INO80D: variants seen among roughly 807,000 people sequenced by gnomAD.
INO80D encodes INO80 complex subunit D.
A neutral mutation model predicts 87.6 loss-of-function variants in INO80D; 21 were observed. That is an observed-to-expected ratio of 0.24 (90% confidence interval 0.17 to 0.35). The LOEUF (loss-of-function observed/expected upper bound fraction) is 0.35. Among genes scored for constraint, INO80D ranks in the 10% least tolerant of loss-of-function variants. The probability of loss-of-function intolerance (pLI) is 1.00; values close to 1 mark genes in which losing one functional copy is unlikely to be tolerated. For missense variants in INO80D, 982 were observed against 1,280.7 expected (o/e 0.77, Z 3.56); for synonymous variants, 440 against 491.0 (o/e 0.90, Z 1.37).
intron 1 of INO80D, among the ~76,000 whole-genome samples, chr2:206,079,370 G>A (rs1268702422): frequency 6.6e-6 from 1 of 152,168 alleles, no homozygotes; most frequent in Non-Finnish European, 1.5e-5. Context: ...ATGGTACCAA[G>A]CCTACCCCAG....
chr2:205,995,604 T>C lies in INO80D; in HGVS notation c.*8764A>G, dbSNP rs1687794824. 1 of 152,196 alleles carries C rather than the reference T, an allele frequency of 6.6e-6. No homozygotes were observed. Among genetic ancestry groups the C allele is most frequent in the Non-Finnish European group, 1.5e-5 (1 of 68,018 alleles). The allele number at this position is 152,196 out of a possible 1,614,324, so 9.4% of individuals were successfully genotyped here. A position where few individuals can be genotyped will look rare whatever the true frequency, so the allele number is the denominator to read the frequency against. ...ATATTTCATTGCCTTTGAATATCTA[T>C]ATATCTACTCCCACAATATATACTA... On this transcript the variant is annotated 3_prime_UTR_variant, in exon 11 of 11. Coordinates refer to ENST00000403263, the MANE Select transcript of INO80D (RefSeq NM_017759.5).
At chr2:206,056,049 C>T in intron 4 of INO80D, 149 bp downstream of exon 4, 1 of 745,710 alleles carries the variant, frequency 1.3e-6, no homozygotes, top group East Asian at 2.7e-5. Context: ...AGGTGGTCTA[C>T]CTAAATACAG....
chr2:206,080,066 C>T (rs767322912), intron 1 of INO80D, among the ~76,000 whole-genome samples: 7 of 152,196 alleles, frequency 4.6e-5, no homozygotes, highest in Non-Finnish European at 8.8e-5. Flanking sequence ...ACTTAACATT[C>T]ACATTGGCAT....
chr2:206,071,911 G>A (rs937517263), intron 1 of INO80D, among the ~76,000 whole-genome samples: 1 of 152,018 alleles, frequency 6.6e-6, no homozygotes, highest in Non-Finnish European at 1.5e-5. Context: ...TGGGGGTGGG[G>A]TGATAATTTA....
intron 1 of INO80D, among the ~76,000 whole-genome samples, chr2:206,081,104 C>A (rs562481850): frequency 1.5e-4 from 23 of 152,096 alleles, no homozygotes; most frequent in African/African-American, 5.3e-4. Flanking sequence ...CTTTTACAGA[C>A]GAAGAAAACT....
chr2:206,079,305 T>C (rs34304616), intron 1 of INO80D, among the ~76,000 whole-genome samples: 45,680 of 152,046 alleles, frequency 0.3, 7,510 homozygotes, highest in African/African-American at 0.44. Context: ...ACTCCTGAGC[T>C]CAAGTGATCC....
In INO80D at chr2:205,996,947, A is replaced by C. The variant is rs898281924; in HGVS notation, c.*7421T>G. ...AAATCCCAAAACAAGAGTGAATGAA[A>C]CCAGGAGATGCTGCAAAAATACAAC... On this transcript the variant is annotated 3_prime_UTR_variant, in exon 11 of 11. Coordinates refer to ENST00000403263, the MANE Select transcript of INO80D (RefSeq NM_017759.5). The C allele has an allele frequency of 6.6e-6, 1 of 152,136 alleles. No homozygotes were observed. The highest frequency in any genetic ancestry group is 1.5e-5 in the Non-Finnish European group (1 of 67,978). The allele number at this position is 152,136 out of a possible 1,614,324, so 9.4% of individuals were successfully genotyped here.
At chr2:206,039,294 G>A (rs1443718290) in intron 5 of INO80D, among the ~76,000 whole-genome samples, 1 of 151,998 alleles carries the variant, frequency 6.6e-6, no homozygotes, top group Non-Finnish European at 1.5e-5. Flanking sequence ...CTACTCGGGA[G>A]GCTGAGGCAA....
intron 1 of INO80D, among the ~76,000 whole-genome samples, chr2:206,070,536 C>T (rs1301075780): frequency 2.6e-5 from 4 of 151,830 alleles, no homozygotes; most frequent in South Asian, 2.1e-4. Flanking sequence ...CTGACTAACA[C>T]GGTGAAACCC....
At chr2:206,028,739 A>G (rs1688683433) in intron 5 of INO80D, among the ~76,000 whole-genome samples, 1 of 152,230 alleles carries the variant, frequency 6.6e-6, no homozygotes, top group Non-Finnish European at 1.5e-5. Flanking sequence ...AGGTCATACC[A>G]GAAATAGGGC....
intron 4 of INO80D, 109 bp downstream of exon 4, chr2:206,056,089 G>T: frequency 9.1e-7 from 1 of 1,094,370 alleles, no homozygotes; most frequent in Non-Finnish European, 1.3e-6. Flanking sequence ...CTGCCTCATT[G>T]TGATTCCACC....
At chr2:206,020,073 T>C (rs1688420031) in intron 6 of INO80D, among the ~76,000 whole-genome samples, 1 of 145,982 alleles carries the variant, frequency 6.9e-6, no homozygotes, top group East Asian at 2.0e-4. Flanking sequence ...CATCAGAATA[T>C]GTTTCAAGTA....
At chr2:206,061,665 G>C (rs1472941378) in intron 3 of INO80D, among the ~76,000 whole-genome samples, 1 of 152,196 alleles carries the variant, frequency 6.6e-6, no homozygotes, top group Non-Finnish European at 1.5e-5. Flanking sequence ...AATTCTAAGA[G>C]AGTATTCCTA....
chr2:206,027,985 CA>C, intron 6 of INO80D, 125 bp downstream of exon 6: 1 of 567,412 alleles, frequency 1.8e-6, no homozygotes, highest in Non-Finnish European at 2.8e-6. Flanking sequence ...GCAAGAAAAC[CA>C]AAACATAATG....
At chr2:206,072,522 T>C (rs930182580) in intron 1 of INO80D, among the ~76,000 whole-genome samples, 9 of 151,698 alleles carry the variant, frequency 5.9e-5, no homozygotes, top group Non-Finnish European at 1.3e-4. Context: ...AGGTGATCCA[T>C]CCACTTCAGC....
intron 8 of INO80D, among the ~76,000 whole-genome samples, chr2:206,017,410 T>C (rs181453862): frequency 3.3e-5 from 5 of 152,328 alleles, no homozygotes; most frequent in East Asian, 1.9e-4. Flanking sequence ...GGGCCTTCGA[T>C]TGAAGTTTCA....
At chr2:206,014,064 G>A (rs1487164887) in intron 8 of INO80D, among the ~76,000 whole-genome samples, 1 of 150,638 alleles carries the variant, frequency 6.6e-6, no homozygotes, top group African/African-American at 2.4e-5. Flanking sequence ...AGGTTGAGGT[G>A]CAAGAATCAC....
chr2:206,015,851 C>T (rs1688303934), intron 8 of INO80D, among the ~76,000 whole-genome samples: 1 of 152,148 alleles, frequency 6.6e-6, no homozygotes, highest in East Asian at 1.9e-4. Flanking sequence ...CAAACCACTG[C>T]ACTGCAGCCT....
At position 206,001,881 on chromosome 2, in the gene INO80D, T is replaced by C. The variant is rs1210248789; in HGVS notation, c.*2487A>G. 2 of 152,222 alleles carry C rather than the reference T, an allele frequency of 1.3e-5. No homozygotes were observed. The highest frequency in any genetic ancestry group is 4.8e-5 in the African/African-American group (2 of 41,458). 9.4% of individuals were successfully genotyped at this position (152,222 alleles called of 1,614,324 possible). Reference sequence around the variant, plus strand: ...GGTGTGAAGCTGTAACTAGCAACATTCCTGATAATTTCATGCCTCCTTACT... The same window carrying C: ...GGTGTGAAGCTGTAACTAGCAACATCCCTGATAATTTCATGCCTCCTTACT... On this transcript the variant is annotated 3_prime_UTR_variant, in exon 11 of 11. Transcript: ENST00000403263.
Sources: allele counts gnomAD v4.1 joint callset (sites outside exome capture counted in the v4.1 genomes callset), GRCh38; gene constraint gnomAD v4.1.1; transcripts MANE v1.5; gene names NCBI Gene and HGNC (gene_info 2026-07-23, HGNC 2026-07-21).